The following HPSE2 variants were observed in gnomAD, a reference collection of about 807,000 sequenced individuals.
The protein encoded by HPSE2 is inactive heparanase-2.
A neutral mutation model predicts 60.5 loss-of-function variants in HPSE2; 38 were observed. That is an observed-to-expected ratio of 0.63 (90% CI 0.48 to 0.82). HPSE2 has a LOEUF of 0.82. Ranked by LOEUF, HPSE2 falls within the 40% of genes least tolerant of loss-of-function variation. HPSE2 has a pLI of 0.00. For synonymous variants in HPSE2, 295 were observed against 293.2 expected (o/e 1.01, Z -0.06); for missense variants, 713 against 740.4 (o/e 0.96, Z 0.43).
At chr10:98,562,640 G>A (rs1033338665) in intron 9 of HPSE2, among the ~76,000 whole-genome samples, 1 of 149,100 alleles carries the variant, frequency 6.7e-6, no homozygotes, top group African/African-American at 2.5e-5. Flanking sequence ...GCGTGAACCC[G>A]GGAGACAGAA....
intron 3 of HPSE2, among the ~76,000 whole-genome samples, chr10:98,889,556 G>A (rs1348690059): frequency 6.6e-6 from 1 of 151,968 alleles, no homozygotes; most frequent in African/African-American, 2.4e-5. Flanking sequence ...TTTGTGGTTG[G>A]TATCTATTGG....
intron 2 of HPSE2, among the ~76,000 whole-genome samples, chr10:99,207,062 T>A (rs897629905): frequency 2.6e-5 from 4 of 152,134 alleles, no homozygotes; most frequent in African/African-American, 9.7e-5. Flanking sequence ...AAGTCAAAGA[T>A]CTTTAATCAA....
At chr10:99,168,896 A>T (rs1847188692) in intron 2 of HPSE2, among the ~76,000 whole-genome samples, 1 of 152,220 alleles carries the variant, frequency 6.6e-6, no homozygotes, top group Non-Finnish European at 1.5e-5. Flanking sequence ...GAGAGTGGTT[A>T]AAAAATGTCC....
At chr10:98,996,453 T>C (rs1048156231) in intron 3 of HPSE2, among the ~76,000 whole-genome samples, 3 of 152,178 alleles carry the variant, frequency 2.0e-5, no homozygotes, top group Non-Finnish European at 2.9e-5. Context: ...ACATTAAACA[T>C]ATCTCTAGCT....
At position 98,670,087 on chromosome 10, in the gene HPSE2, A is replaced by C. The variant is rs150013272; in HGVS notation, c.1004+23813T>G. 1.4e-3 allele frequency among the ~76,000 whole-genome samples: 214 copies of C among 152,298 alleles called. 3 individuals are homozygous for C. Among genetic ancestry groups the C allele is most frequent in the African/African-American group, 4.9e-3 (204 of 41,580 alleles). ...TGCAAAGATCTAAAGTGGGAGCGTC[A>C]TTGTCATGTTTCAAGGAACACGAGG... is the stretch of plus-strand genomic sequence containing the variant. On this transcript the variant is annotated intron_variant, in intron 6 of 11. Transcript: ENST00000370552.
At chr10:98,816,265 T>A (rs1160769094) in intron 3 of HPSE2, among the ~76,000 whole-genome samples, 1 of 152,012 alleles carries the variant, frequency 6.6e-6, no homozygotes, top group East Asian at 1.9e-4. Context: ...TGTTTTTTGT[T>A]TTTTTGTTTG....
chr10:99,024,906 A>G (rs1957342046), intron 3 of HPSE2, among the ~76,000 whole-genome samples: 1 of 152,202 alleles, frequency 6.6e-6, no homozygotes, highest in Non-Finnish European at 1.5e-5. Flanking sequence ...CTATCCTACA[A>G]GAAATGCTAA....
chr10:99,061,476 T>C (rs1014224138), intron 3 of HPSE2, among the ~76,000 whole-genome samples: 1 of 152,246 alleles, frequency 6.6e-6, no homozygotes, highest in Non-Finnish European at 1.5e-5. Context: ...GGACAGTTAA[T>C]ACAGTTTCTA....
chr10:98,653,387 T>G (rs1266559237), intron 6 of HPSE2, among the ~76,000 whole-genome samples: 1 of 151,982 alleles, frequency 6.6e-6, no homozygotes, highest in Non-Finnish European at 1.5e-5. Flanking sequence ...TCTATTATGC[T>G]CTAAGTGTTT....
At chr10:99,269,830 C>T in the HPSE2 span, among the ~76,000 whole-genome samples, 1 of 152,144 alleles carries the variant, frequency 6.6e-6, no homozygotes, top group Non-Finnish European at 1.5e-5. Flanking sequence ...AAGGAACCCT[C>T]AAAACCATGC....
rs144993351 is a variant in HPSE2 at position 98,945,067 on chromosome 10, A to G, written c.610+199171T>C. 5.9e-5 allele frequency among the ~76,000 whole-genome samples: 9 copies of G among 152,298 alleles called. No homozygotes were observed. In the East Asian group the frequency reaches 1.7e-3, roughly 29 times the overall value. On this transcript the variant is annotated intron_variant, in intron 3 of 11. Transcript: ENST00000370552. Reference sequence around the variant, plus strand: ...TAGGTGCAAATTCATCATTTTAGCTACAAGATGTATGACATGTAAGCCTTT... The same window carrying G: ...TAGGTGCAAATTCATCATTTTAGCTGCAAGATGTATGACATGTAAGCCTTT...
intron 9 of HPSE2, among the ~76,000 whole-genome samples, chr10:98,542,915 T>G (rs1397185136): frequency 2.8e-4 from 42 of 150,894 alleles, no homozygotes; most frequent in African/African-American, 9.7e-4. Flanking sequence ...CAGGATATTA[T>G]CCAGGAGAAC....
intron 3 of HPSE2, among the ~76,000 whole-genome samples, chr10:98,908,683 CAAAAAA>C (rs35913499): frequency 1.2e-4 from 8 of 66,126 alleles, no homozygotes; most frequent in African/African-American, 4.2e-4. Flanking sequence ...AGCTCCATCT[CAAAAAA>C]AAAAAAAAAA....
chr10:99,134,890 C>T (rs893698706), intron 3 of HPSE2, among the ~76,000 whole-genome samples: 7 of 152,100 alleles, frequency 4.6e-5, no homozygotes, highest in African/African-American at 1.7e-4. Context: ...TGTAAACAGA[C>T]TAAATGCCCC....
rs554758199 is a variant in HPSE2, at chr10:99,158,010, C to T, written c.449-13611G>A. The stretch of plus-strand genomic sequence containing the variant: ...AAAAAACACATGAAAAAATGCTCAT[C>T]ATCTCTGGCCATCAAAGAAATGCAA... On this transcript the variant is annotated intron_variant, in intron 2 of 11. Coordinates refer to ENST00000370552, the MANE Select transcript of HPSE2 (RefSeq NM_021828.5). Among the ~76,000 whole-genome samples the T allele has an allele frequency of 3.4e-5, 5 of 146,156 alleles. No individual in the cohort carries two copies. In the South Asian group the frequency reaches 1.2e-3, roughly 35 times the overall value.
At chr10:98,980,224 A>G (rs931946296) in intron 3 of HPSE2, among the ~76,000 whole-genome samples, 3 of 152,140 alleles carry the variant, frequency 2.0e-5, no homozygotes, top group Admixed American at 6.6e-5. Context: ...CAATCTCACA[A>G]TTTTGCTTTA....
intron 6 of HPSE2, among the ~76,000 whole-genome samples, chr10:98,662,616 C>T (rs1256199009): frequency 6.6e-6 from 1 of 152,152 alleles, no homozygotes; most frequent in African/African-American, 2.4e-5. Flanking sequence ...GGCTTAGTAC[C>T]TGGGTGATGA....
At chr10:98,520,232 C>A (rs1187515624) in intron 9 of HPSE2, among the ~76,000 whole-genome samples, 1 of 152,152 alleles carries the variant, frequency 6.6e-6, no homozygotes, top group East Asian at 1.9e-4. Context: ...ATTCCTGATT[C>A]TCTGAACAGT....
At chr10:99,222,110 G>A (rs576256276) in intron 2 of HPSE2, among the ~76,000 whole-genome samples, 3 of 152,114 alleles carry the variant, frequency 2.0e-5, no homozygotes, top group South Asian at 2.1e-4. Flanking sequence ...TCAGACTCCA[G>A]CTAATATAAA....
Sources: allele counts gnomAD v4.1 joint callset (sites outside exome capture counted in the v4.1 genomes callset), GRCh38; gene constraint gnomAD v4.1.1; transcripts MANE v1.5; gene names NCBI Gene and HGNC (gene_info 2026-07-23, HGNC 2026-07-21).